The following MICU1 variants were observed in gnomAD, a reference collection of about 807,000 sequenced individuals.
MICU1 encodes the protein calcium uptake protein 1, mitochondrial.
MICU1 carries 45 observed loss-of-function variants against 56.8 expected under a neutral mutation model. The observed-to-expected ratio is 0.79, with a 90% CI of 0.62 to 1.02. MICU1 has a LOEUF of 1.02. Among genes scored for constraint, MICU1 ranks in the 50% least tolerant of loss-of-function variants. MICU1 has a pLI of 0.00. For synonymous variants in MICU1, 186 were observed against 195.1 expected, an observed-to-expected ratio of 0.95 and a Z score of 0.39; for missense variants, 504 against 587.1, an observed-to-expected ratio of 0.86 and a Z score of 1.46.
chr10:72,441,411 G>T (rs920060369), intron 8 of MICU1, among the ~76,000 whole-genome samples: 9 of 151,402 alleles, frequency 5.9e-5, no homozygotes, highest in Non-Finnish European at 1.2e-4. Context: ...GTTGGGGGGT[G>T]GGGGGCTGGG....
At position 72,604,579 on chromosome 10, in the gene MICU1, C is replaced by CT. The variant is rs911426871; in HGVS notation, c.-2+21430dup. Among the ~76,000 whole-genome samples, 829 of 144,778 alleles carry CT rather than the reference C, an allele frequency of 5.7e-3. 3 individuals are homozygous for CT. Among genetic ancestry groups the CT allele is most frequent in the African/African-American group, 0.012 (475 of 39,820 alleles). 95.0% of individuals were successfully genotyped at this position (144,778 alleles called of 152,430 possible). A position where few individuals can be genotyped will look rare whatever the true frequency, so the allele number is the denominator to read the frequency against. On this transcript the variant is annotated intron_variant, in intron 1 of 11. Transcript: ENST00000361114. ...TGAGCCAGCGTGCCCGGCCTTCTGC[C>CT]TTTTTTTTTTTTTAACCCTTACTCC... is the stretch of plus-strand genomic sequence containing the variant.
At chr10:72,463,766 T>C (rs746623741) in intron 8 of MICU1, among the ~76,000 whole-genome samples, 3 of 152,144 alleles carry the variant, frequency 2.0e-5, no homozygotes, top group South Asian at 2.1e-4. Context: ...AAGTGTACAG[T>C]GTATATAAAG....
intron 8 of MICU1, among the ~76,000 whole-genome samples, chr10:72,430,956 G>T (rs1405301143): frequency 1.3e-5 from 2 of 151,806 alleles, no homozygotes; most frequent in African/African-American, 2.4e-5. Context: ...GTATCACAGT[G>T]GATATATTCT....
chr10:72,579,655 T>C (rs1330456665), intron 1 of MICU1, among the ~76,000 whole-genome samples: 2 of 152,154 alleles, frequency 1.3e-5, no homozygotes, highest in African/African-American at 4.8e-5. Context: ...TGATTGCTAA[T>C]TGGTAGCATA....
chr10:72,549,266 C>T (rs1408017758), intron 4 of MICU1, among the ~76,000 whole-genome samples: 1 of 150,062 alleles, frequency 6.7e-6, no homozygotes, highest in African/African-American at 2.5e-5. Flanking sequence ...TCTTGGCACA[C>T]TGTAACATCC....
intron 5 of MICU1, among the ~76,000 whole-genome samples, chr10:72,516,742 T>C (rs1233166002): frequency 6.6e-6 from 1 of 152,180 alleles, no homozygotes; most frequent in Non-Finnish European, 1.5e-5. Flanking sequence ...ATCAGATGGT[T>C]GTAGATGTGT....
chr10:72,487,792 A>G (rs1297045576), intron 6 of MICU1, among the ~76,000 whole-genome samples: 3 of 152,196 alleles, frequency 2.0e-5, no homozygotes, highest in Admixed American at 1.3e-4. Flanking sequence ...GAGAGCTTCA[A>G]TGGGAAGTCA....
intron 10 of MICU1, among the ~76,000 whole-genome samples, chr10:72,400,290 A>G (rs1863408413): frequency 6.6e-6 from 1 of 152,148 alleles, no homozygotes; most frequent in Non-Finnish European, 1.5e-5. Flanking sequence ...CTTTGCTAAC[A>G]CTACCCTGAA....
At chr10:72,392,831 G>T (rs954020135) in intron 10 of MICU1, among the ~76,000 whole-genome samples, 3 of 152,274 alleles carry the variant, frequency 2.0e-5, no homozygotes, top group African/African-American at 7.2e-5. Flanking sequence ...GGGTCAGGAG[G>T]AGGGAGGTTT....
At chr10:72,555,951 T>C (rs1028939414) in intron 3 of MICU1, among the ~76,000 whole-genome samples, 2 of 152,224 alleles carry the variant, frequency 1.3e-5, no homozygotes, top group African/African-American at 2.4e-5. Flanking sequence ...AGGAAAACCA[T>C]GGATATAATG....
At chr10:72,375,580 G>A (rs1862489987) in intron 11 of MICU1, among the ~76,000 whole-genome samples, 1 of 152,212 alleles carries the variant, frequency 6.6e-6, no homozygotes, top group Non-Finnish European at 1.5e-5. Flanking sequence ...ATAAGAAGAA[G>A]AAATGGAAAA....
At chr10:72,504,428 A>G (rs987677061) in intron 6 of MICU1, among the ~76,000 whole-genome samples, 1 of 152,208 alleles carries the variant, frequency 6.6e-6, no homozygotes, top group Admixed American at 6.5e-5. Flanking sequence ...AGCCATATGC[A>G]GAAGAATGAA....
At chr10:72,444,658 C>T (rs1865052497) in intron 8 of MICU1, among the ~76,000 whole-genome samples, 1 of 152,050 alleles carries the variant, frequency 6.6e-6, no homozygotes, top group Admixed American at 6.6e-5. Flanking sequence ...CCATGTTGGC[C>T]AGGCTGGTCT....
chr10:72,523,678 A>G, intron 5 of MICU1: 1 of 585,108 alleles, frequency 1.7e-6, no homozygotes, highest in Non-Finnish European at 2.6e-6. Context: ...AACTCAGTTT[A>G]ATTTATATTT....
chr10:72,400,591 C>T (rs1863419394), intron 10 of MICU1, among the ~76,000 whole-genome samples: 1 of 151,768 alleles, frequency 6.6e-6, no homozygotes, highest in Non-Finnish European at 1.5e-5. Context: ...ACTAAAAATA[C>T]AAAAAGTAGC....
intron 3 of MICU1, chr10:72,562,595 A>G (rs1455114404): frequency 4.6e-6 from 1 of 217,370 alleles, no homozygotes; most frequent in Non-Finnish European, 9.0e-6. Flanking sequence ...TCAACTTAAC[A>G]TATATGATAA....
chr10:72,436,762 G>A (rs1015662635), intron 8 of MICU1, among the ~76,000 whole-genome samples: 12 of 152,152 alleles, frequency 7.9e-5, no homozygotes, highest in East Asian at 1.9e-4. Context: ...ACTTCGTGAC[G>A]TATGCACAAG....
At chr10:72,514,017 C>A (rs1002728278) in intron 5 of MICU1, among the ~76,000 whole-genome samples, 3 of 149,622 alleles carry the variant, frequency 2.0e-5, no homozygotes, top group Admixed American at 6.6e-5. Context: ...CAGCTCTGTG[C>A]ATTTTTTTTT....
chr10:72,604,708 G>C (rs768577703), intron 1 of MICU1, among the ~76,000 whole-genome samples: 5 of 152,176 alleles, frequency 3.3e-5, no homozygotes, highest in Admixed American at 1.3e-4. Context: ...GATCACAAAT[G>C]AAAGTGCTAC....
Sources: allele counts gnomAD v4.1 joint callset (sites outside exome capture counted in the v4.1 genomes callset), GRCh38; gene constraint gnomAD v4.1.1; transcripts MANE v1.5; gene names NCBI Gene and HGNC (gene_info 2026-07-23, HGNC 2026-07-21).